Variants in RCOR1 observed in about 807,000 individuals in gnomAD.
RCOR1 encodes REST corepressor 1.
In RCOR1, 12 loss-of-function variants were observed where a neutral mutation model predicts 64.0. That is an observed-to-expected ratio of 0.19 (90% CI 0.12 to 0.30). RCOR1 has a LOEUF of 0.30. Among genes scored for constraint, RCOR1 ranks in the 10% least tolerant of loss-of-function variants. The pLI, the probability that RCOR1 is intolerant of heterozygous loss-of-function variation, is 1.00. For synonymous variants in RCOR1, 279 were observed against 227.2 expected, an observed-to-expected ratio of 1.23 and a Z score of -2.05; for missense variants, 502 against 621.2, an observed-to-expected ratio of 0.81 and a Z score of 2.04.
chr14:102,648,259 A>G (rs1454251836), intron 2 of RCOR1, among the ~76,000 whole-genome samples: 3 of 152,136 alleles, frequency 2.0e-5, no homozygotes, highest in Non-Finnish European at 4.4e-5. Flanking sequence ...TTGTATTTTT[A>G]GTAGAGACGG....
chr14:102,646,322 C>G (rs1894477850), intron 2 of RCOR1, among the ~76,000 whole-genome samples: 1 of 151,950 alleles, frequency 6.6e-6, no homozygotes, highest in South Asian at 2.1e-4. Context: ...GATTATCAGG[C>G]ACATGAAGAA....
chr14:102,642,502 G>A (rs1250249979), intron 2 of RCOR1, among the ~76,000 whole-genome samples: 6 of 152,110 alleles, frequency 3.9e-5, no homozygotes, highest in African/African-American at 1.4e-4. Flanking sequence ...AAAAGTCTTA[G>A]GCCGATTTGA....
intron 3 of RCOR1, among the ~76,000 whole-genome samples, chr14:102,691,027 C>G (rs1595232202): frequency 6.6e-6 from 1 of 152,242 alleles, no homozygotes; most frequent in East Asian, 1.9e-4. Context: ...CCTTCTTTGT[C>G]CCTTACCTTG....
At chr14:102,701,438 ACTTT>A in intron 4 of RCOR1, 108 bp downstream of exon 4, 1 of 787,282 alleles carries the variant, frequency 1.3e-6, no homozygotes, top group Non-Finnish European at 1.9e-6. Flanking sequence ...TTCATTAGCA[ACTTT>A]TTGGTAATTA....
rs924511675 is a variant in RCOR1, at chr14:102,730,537, T to G, written c.*4031T>G. 1 of 152,688 alleles carries G rather than the reference T, an allele frequency of 6.5e-6. No individual in the cohort carries two copies. Among genetic ancestry groups the G allele is most frequent in the Non-Finnish European group, 1.5e-5 (1 of 68,072 alleles). The allele number at this position is 152,688 out of a possible 1,614,324, so 9.5% of individuals were successfully genotyped here. A position where few individuals can be genotyped will look rare whatever the true frequency, so the allele number is the denominator to read the frequency against. On this transcript the variant is annotated 3_prime_UTR_variant, in exon 12 of 12. Transcript: ENST00000262241. ...AATATTTGCTGAGGTTAAATAAAAATTTTCAAGCCATTGATGTAATAAAAT... is the reference window on the plus strand; with the variant it reads ...AATATTTGCTGAGGTTAAATAAAAAGTTTCAAGCCATTGATGTAATAAAAT...
At chr14:102,719,250 TCTTC>T (rs1461787437) in intron 8 of RCOR1, among the ~76,000 whole-genome samples, 1 of 152,142 alleles carries the variant, frequency 6.6e-6, no homozygotes, top group East Asian at 1.9e-4. Context: ...TTCTTCTTCT[TCTTC>T]TTTTTTTAAA....
intron 8 of RCOR1, 95 bp from the exon 9 acceptor site, chr14:102,720,912 C>A: frequency 1.6e-6 from 1 of 638,866 alleles, no homozygotes; most frequent in Non-Finnish European, 2.7e-6. Flanking sequence ...AACGTCTTTA[C>A]TCTTGGGTTT....
In RCOR1 at chr14:102,722,177, A is replaced by T; in HGVS notation, c.1190-10A>T. The T allele has an allele frequency of 6.2e-7, 1 of 1,604,326 alleles. No individual in the cohort carries two copies. Among genetic ancestry groups the T allele is most frequent in the Non-Finnish European group, 8.5e-7 (1 of 1,171,584 alleles). ...CTTGTATTTTAAAAAATGCTTTCTT[A>T]CATCCTTAGCCATCAGGAAATATGG... is the stretch of plus-strand genomic sequence containing the variant. On this transcript the variant is annotated splice_polypyrimidine_tract_variant and intron_variant, in intron 10 of 11. Transcript: ENST00000262241.
chr14:102,714,401 A>G, intron 7 of RCOR1, 22 bp from the exon 8 acceptor site: 1 of 1,501,348 alleles, frequency 6.7e-7, no homozygotes, highest in Non-Finnish European at 9.0e-7. Flanking sequence ...AGTTTCATTC[A>G]TCACCTGTGT....
intron 2 of RCOR1, among the ~76,000 whole-genome samples, chr14:102,623,744 T>C (rs1352560047): frequency 1.3e-5 from 2 of 151,548 alleles, no homozygotes; most frequent in Non-Finnish European, 2.9e-5. Context: ...TTGACTTGGC[T>C]TCTCAAGAAG....
intron 2 of RCOR1, among the ~76,000 whole-genome samples, chr14:102,665,011 T>G (rs1364663536): frequency 6.6e-6 from 1 of 152,134 alleles, no homozygotes; most frequent in African/African-American, 2.4e-5. Flanking sequence ...TCAACCCTTT[T>G]TTTTTGTTGT....
chr14:102,707,925 G>A (rs1404429547), intron 5 of RCOR1, among the ~76,000 whole-genome samples: 1 of 150,486 alleles, frequency 6.6e-6, no homozygotes, highest in Non-Finnish European at 1.5e-5. Flanking sequence ...AGTAGCTTGG[G>A]ACTACAGGTG....
At chr14:102,655,206 G>A in intron 2 of RCOR1, 1 of 972,174 alleles carries the variant, frequency 1.0e-6, no homozygotes, top group Non-Finnish European at 1.2e-6. Context: ...ATGCAAAAGG[G>A]TTATGCACAA....
intron 2 of RCOR1, among the ~76,000 whole-genome samples, chr14:102,606,933 AGT>A (rs1893522544): frequency 1.4e-5 from 1 of 70,558 alleles, no homozygotes; most frequent in Admixed American, 2.1e-4. Flanking sequence ...GTTTTGTGTT[AGT>A]TTTTTTTTTT....
At chr14:102,710,823 ATTAT>A (rs1173376427) in intron 6 of RCOR1, 108 bp from the exon 7 acceptor site, 1 of 709,812 alleles carries the variant, frequency 1.4e-6, no homozygotes, top group Non-Finnish European at 2.4e-6. Context: ...AAATCAGTTT[ATTAT>A]TTATATTTGG....
intron 7 of RCOR1, 63 bp from the exon 8 acceptor site, chr14:102,714,360 A>G (rs1896021253): frequency 1.3e-5 from 14 of 1,059,868 alleles, no homozygotes; most frequent in East Asian, 2.5e-5. Context: ...GGAAATAAAT[A>G]TGTTTATTAC....
chr14:102,701,906 T>G (rs1369108610), intron 4 of RCOR1, among the ~76,000 whole-genome samples: 1 of 152,156 alleles, frequency 6.6e-6, no homozygotes, highest in Non-Finnish European at 1.5e-5. Flanking sequence ...TTTTGTATTT[T>G]TAGTAGAGAA....
At chr14:102,726,364 C>T in intron 11 of RCOR1, 104 bp from the exon 12 acceptor site, 1 of 970,632 alleles carries the variant, frequency 1.0e-6, no homozygotes, top group Non-Finnish European at 1.5e-6. Context: ...GTTTGCTCTG[C>T]AGGTTTGCTG....
At chr14:102,666,375 T>C (rs927070454) in intron 2 of RCOR1, among the ~76,000 whole-genome samples, 30 of 152,346 alleles carry the variant, frequency 2.0e-4, no homozygotes, top group African/African-American at 6.7e-4. Flanking sequence ...GTAAAGATAG[T>C]ACAAAGAGTT....
Sources: gnomAD v4.1 joint callset for allele counts (sites outside exome capture counted in the v4.1 genomes callset) on GRCh38, gnomAD v4.1.1 for gene constraint, MANE v1.5 for transcripts, NCBI Gene and HGNC (gene_info 2026-07-23, HGNC 2026-07-21) for gene names.